CTDSPL: variants seen among roughly 807,000 people sequenced by gnomAD.
CTDSPL encodes the protein CTD small phosphatase like.
CTDSPL carries 8 observed loss-of-function variants against 30.5 expected under a neutral mutation model. The ratio of observed to expected loss-of-function variants is 0.26; its 90% confidence interval spans 0.15 to 0.47. The LOEUF is 0.47. Among genes scored for constraint, CTDSPL ranks in the 20% least tolerant of loss-of-function variants. The pLI is 0.99. For synonymous variants in CTDSPL, 110 were observed against 137.9 expected (o/e 0.80, Z 1.42); for missense variants, 248 against 366.1 (o/e 0.68, Z 2.63).
intron 1 of CTDSPL, among the ~76,000 whole-genome samples, chr3:37,933,023 G>A (rs1698872783): frequency 6.6e-6 from 1 of 151,900 alleles, no homozygotes; most frequent in Admixed American, 6.6e-5. Context: ...CATGGTGGTG[G>A]GCACGTGTAA....
chr3:37,955,998 G>T (rs1011184064), intron 2 of CTDSPL, among the ~76,000 whole-genome samples: 4 of 152,164 alleles, frequency 2.6e-5, no homozygotes, highest in Non-Finnish European at 4.4e-5. Flanking sequence ...TGATTGCATT[G>T]TCTGTTGGAG....
chr3:37,930,845 C>T (rs1211640439), intron 1 of CTDSPL, among the ~76,000 whole-genome samples: 4 of 152,284 alleles, frequency 2.6e-5, no homozygotes, highest in East Asian at 1.9e-4. Context: ...TCATTTCTAT[C>T]GGTGCTTGCT....
chr3:37,920,617 G>A (rs1698701592), intron 1 of CTDSPL, among the ~76,000 whole-genome samples: 1 of 152,198 alleles, frequency 6.6e-6, no homozygotes, highest in Non-Finnish European at 1.5e-5. Context: ...TGAGCCTACA[G>A]ATGGTAAAGA....
intron 1 of CTDSPL, among the ~76,000 whole-genome samples, chr3:37,866,605 G>A (rs527397231): frequency 6.6e-6 from 1 of 152,272 alleles, no homozygotes; most frequent in East Asian, 1.9e-4. Context: ...ATCTCAATTA[G>A]TATGCAGTAT....
At chr3:37,898,811 A>C (rs1343704756) in intron 1 of CTDSPL, among the ~76,000 whole-genome samples, 4 of 152,184 alleles carry the variant, frequency 2.6e-5, no homozygotes, top group African/African-American at 7.2e-5. Flanking sequence ...GAAAGCTATA[A>C]ATAGAGAACT....
chr3:37,865,042 G>T (rs1008448367), intron 1 of CTDSPL, among the ~76,000 whole-genome samples: 2 of 152,202 alleles, frequency 1.3e-5, no homozygotes, highest in Non-Finnish European at 2.9e-5. Context: ...GAAGTACTAA[G>T]CATGGGCTGT....
rs1054842903 is a variant in CTDSPL at position 37,917,943 on chromosome 3, C to T, written c.80-29114C>T. 2.6e-5 allele frequency among the ~76,000 whole-genome samples: 4 copies of T among 152,144 alleles called. No individual in the cohort carries two copies. In the South Asian group the frequency reaches 6.2e-4, roughly 24 times the overall value. ...GAGGAGAAGTATGGGTTAAAGTTTT[C>T]GCAAAGAATTTCCAAGTTTCGTAGA... On this transcript the variant is annotated intron_variant, in intron 1 of 7. Coordinates refer to ENST00000273179, the MANE Select transcript of CTDSPL (RefSeq NM_001008392.2).
intron 1 of CTDSPL, among the ~76,000 whole-genome samples, chr3:37,930,977 GAT>G (rs769284571): frequency 6.6e-6 from 1 of 152,042 alleles, no homozygotes; most frequent in Non-Finnish European, 1.5e-5. Context: ...TTTTTGGTCT[GAT>G]ATAAGTATGG....
chr3:37,937,340 T>A (rs1698928117), intron 1 of CTDSPL, among the ~76,000 whole-genome samples: 1 of 150,262 alleles, frequency 6.7e-6, no homozygotes, highest in Non-Finnish European at 1.5e-5. Flanking sequence ...CAGGGACAGA[T>A]CCCTCATGAG....
intron 2 of CTDSPL, 122 bp downstream of exon 2, chr3:37,947,333 T>C: frequency 8.8e-7 from 1 of 1,140,606 alleles, no homozygotes; most frequent in Non-Finnish European, 1.2e-6. Flanking sequence ...ACGTCTGTAA[T>C]ATCAGCACTG....
intron 5 of CTDSPL, among the ~76,000 whole-genome samples, chr3:37,968,592 A>G (rs967815040): frequency 3.9e-5 from 6 of 152,198 alleles, no homozygotes; most frequent in Non-Finnish European, 1.5e-5. Context: ...TGATCTAACC[A>G]TCTTCCTTGT....
At chr3:37,976,621 A>G (rs1295016247) in intron 7 of CTDSPL, among the ~76,000 whole-genome samples, 2 of 146,152 alleles carry the variant, frequency 1.4e-5, no homozygotes, top group Non-Finnish European at 3.0e-5. Context: ...ACAGATGGAG[A>G]CTCCGTCTCA....
rs1697951988 is a variant in CTDSPL, at chr3:37,862,348, G to C, written c.79+70G>C. On this transcript the variant is annotated intron_variant, in intron 1 of 7. Transcript: ENST00000273179. This position sits in a 1 kb window ranked among gnomAD's most constrained non-coding sequence, Gnocchi z 4.3. ...CCCCGCGCCGCTGGAGTTCACTGCC[G>C]GGCGCCGGCATGGGCCTGGGGGAGG... is the stretch of plus-strand genomic sequence containing the variant. 2.3e-6 allele frequency: 3 copies of C among 1,327,266 alleles called. No homozygotes were observed. The highest frequency in any genetic ancestry group is 2.9e-6 in the Non-Finnish European group (3 of 1,026,408). The allele number at this position is 1,327,266 out of a possible 1,614,324, so 82.2% of individuals were successfully genotyped here.
rs151060847 is a variant in CTDSPL at position 37,903,629 on chromosome 3, A to G, written c.79+41351A>G. The stretch of plus-strand genomic sequence containing the variant: ...CTTGCTATCACAAGGGTTATCACAA[A>G]CATGTCCAGGCAGACAGTCAGCAAA... On this transcript the variant is annotated intron_variant, in intron 1 of 7. Coordinates refer to ENST00000273179, the MANE Select transcript of CTDSPL (RefSeq NM_001008392.2). 2.6e-5 allele frequency among the ~76,000 whole-genome samples: 4 copies of G among 152,280 alleles called. No individual in the cohort carries two copies. In the East Asian group the frequency reaches 5.8e-4, roughly 22 times the overall value.
Position 37,940,046 on chromosome 3 carries a change from C to T in CTDSPL, c.80-7011C>T, listed in dbSNP as rs191688804. On this transcript the variant is annotated intron_variant, in intron 1 of 7. Transcript: ENST00000273179. ...GGCAGAGGTTGCAGTGTGCCGAGAT[C>T]GCACCACTGTACTCTAGCCTGGGTG... is the stretch of plus-strand genomic sequence containing the variant. Among the ~76,000 whole-genome samples, 15 of 149,914 alleles carry T rather than the reference C, an allele frequency of 1.0e-4. 2 individuals carry two copies. Among genetic ancestry groups the T allele is most frequent in the Admixed American group, 6.0e-4 (9 of 14,948 alleles).
intron 6 of CTDSPL, 49 bp downstream of exon 6, chr3:37,971,548 C>T (rs371863312): frequency 2.0e-6 from 3 of 1,519,772 alleles, no homozygotes; most frequent in African/African-American, 2.7e-5. Flanking sequence ...ACTCCCAGCC[C>T]CTCCACCCCT....
At chr3:37,946,954 A>G in intron 1 of CTDSPL, 103 bp from the exon 2 acceptor site, 1 of 1,305,230 alleles carries the variant, frequency 7.7e-7, no homozygotes, top group South Asian at 1.5e-5. Context: ...CAGGGCTGGA[A>G]TCTGGGGTCT....
At chr3:37,972,250 A>C (rs992641345) in intron 6 of CTDSPL, among the ~76,000 whole-genome samples, 2 of 152,172 alleles carry the variant, frequency 1.3e-5, no homozygotes, top group African/African-American at 4.8e-5. Flanking sequence ...TAATCCCAAC[A>C]CTTTGGGAGG....
intron 1 of CTDSPL, among the ~76,000 whole-genome samples, chr3:37,915,119 C>G (rs759678743): frequency 1.4e-4 from 21 of 151,936 alleles, no homozygotes; most frequent in Non-Finnish European, 2.6e-4. Flanking sequence ...GACATTTTCT[C>G]ATGGTATTTT....
Sources: allele counts gnomAD v4.1 joint callset (sites outside exome capture counted in the v4.1 genomes callset), GRCh38; gene constraint gnomAD v4.1.1; non-coding constraint Gnocchi (gnomAD v3.1); transcripts MANE v1.5; gene names NCBI Gene and HGNC (gene_info 2026-07-23, HGNC 2026-07-21).